The following PIK3AP1 variants were observed in gnomAD, a reference collection of about 807,000 sequenced individuals.
PIK3AP1 encodes the protein phosphoinositide-3-kinase adaptor protein 1.
Under a neutral mutation model 88.1 loss-of-function variants are expected in PIK3AP1, and 21 were observed. The ratio of observed to expected loss-of-function variants is 0.24; its 90% confidence interval spans 0.17 to 0.34. PIK3AP1 has a LOEUF of 0.34. Among genes scored for constraint, PIK3AP1 ranks in the 10% least tolerant of loss-of-function variants. PIK3AP1 has a pLI of 1.00. For synonymous variants in PIK3AP1, 398 were observed against 400.0 expected (o/e 1.00, Z 0.06); for missense variants, 828 against 1,035.7 (o/e 0.80, Z 2.75).
At chr10:96,642,800 C>T (rs1227072663) in intron 8 of PIK3AP1, among the ~76,000 whole-genome samples, 2 of 152,230 alleles carry the variant, frequency 1.3e-5, no homozygotes, top group Non-Finnish European at 2.9e-5. Flanking sequence ...GCATTCCCTG[C>T]AGGTTTCCAG....
intron 14 of PIK3AP1, among the ~76,000 whole-genome samples, chr10:96,607,723 A>G (rs1442094331): frequency 6.6e-6 from 1 of 152,138 alleles, no homozygotes; most frequent in African/African-American, 2.4e-5. Flanking sequence ...ACGTGTAGAG[A>G]GGCCCCGGAG....
At chr10:96,708,562 G>A (rs1164049189) in intron 2 of PIK3AP1, among the ~76,000 whole-genome samples, 7 of 119,362 alleles carry the variant, frequency 5.9e-5, no homozygotes, top group South Asian at 2.9e-4. Context: ...ACGTCAGAGC[G>A]AGGATCTGTC....
In PIK3AP1 at chr10:96,595,207, A is replaced by G. The variant is rs1848733844; in HGVS notation, c.*370T>C. 1 of 222,514 alleles carries G rather than the reference A, an allele frequency of 4.5e-6. No homozygotes were observed. The highest frequency in any genetic ancestry group is 8.9e-6 in the Non-Finnish European group (1 of 111,830). 13.8% of individuals were successfully genotyped at this position (222,514 alleles called of 1,614,324 possible). Reference sequence around the variant, plus strand: ...TCTAGAAATCAGGCTGAACTAGCAAATACATAAAGACTAATATAAGTGCAT... The same window carrying G: ...TCTAGAAATCAGGCTGAACTAGCAAGTACATAAAGACTAATATAAGTGCAT... On this transcript the variant is annotated 3_prime_UTR_variant, in exon 17 of 17. Coordinates refer to ENST00000339364, the MANE Select transcript of PIK3AP1 (RefSeq NM_152309.3).
chr10:96,633,064 T>C, intron 8 of PIK3AP1: 2 of 1,588,336 alleles, frequency 1.3e-6, no homozygotes, highest in Non-Finnish European at 1.7e-6. Flanking sequence ...CCTCATGTCC[T>C]ACAAGAGCAA....
chr10:96,602,125 C>T (rs549978035), intron 16 of PIK3AP1, among the ~76,000 whole-genome samples, 155 bp downstream of exon 16: 14 of 152,278 alleles, frequency 9.2e-5, no homozygotes, highest in South Asian at 8.3e-4. Flanking sequence ...CCCTGTGATC[C>T]GCCCGCCTTG....
chr10:96,631,738 C>T (rs1843247448), intron 8 of PIK3AP1, among the ~76,000 whole-genome samples: 1 of 152,022 alleles, frequency 6.6e-6, no homozygotes. Flanking sequence ...CAAAAATTAG[C>T]TGGGCATGGT....
chr10:96,704,079 C>T (rs1415103183), intron 2 of PIK3AP1, among the ~76,000 whole-genome samples: 1 of 152,154 alleles, frequency 6.6e-6, no homozygotes, highest in Non-Finnish European at 1.5e-5. Context: ...CTCAGTAGCA[C>T]CCCATCCCAA....
chr10:96,671,197 T>C (rs1843841263), intron 2 of PIK3AP1, among the ~76,000 whole-genome samples: 1 of 152,234 alleles, frequency 6.6e-6, no homozygotes, highest in Non-Finnish European at 1.5e-5. Context: ...TCCCAGTGTG[T>C]GGACCCCAGT....
intron 1 of PIK3AP1, among the ~76,000 whole-genome samples, chr10:96,710,213 ATTATTTATTTAT>A (rs10636821): frequency 1.3e-5 from 2 of 149,950 alleles, no homozygotes; most frequent in African/African-American, 2.5e-5. Flanking sequence ...ACGCTGTTTT[ATTATTTATTTAT>A]TTATTTATTT....
At chr10:96,671,440 A>G (rs1289030828) in intron 2 of PIK3AP1, among the ~76,000 whole-genome samples, 1 of 152,116 alleles carries the variant, frequency 6.6e-6, no homozygotes. Flanking sequence ...CCTTTCACTT[A>G]CAAAGCTCCC....
intron 2 of PIK3AP1, among the ~76,000 whole-genome samples, 166 bp from the exon 3 acceptor site, chr10:96,657,100 G>GA (rs1452336937): frequency 6.6e-6 from 1 of 152,112 alleles, no homozygotes; most frequent in East Asian, 1.9e-4. Context: ...GCGACCTAAT[G>GA]AAGACAAGCC....
chr10:96,620,909 G>A, intron 11 of PIK3AP1: 1 of 226,004 alleles, frequency 4.4e-6, no homozygotes. Flanking sequence ...TGCGTCTTCT[G>A]CTTAGAGACT....
intron 2 of PIK3AP1, among the ~76,000 whole-genome samples, chr10:96,705,718 G>C (rs1844352424): frequency 2.0e-5 from 3 of 151,080 alleles, no homozygotes; most frequent in Non-Finnish European, 1.5e-5. Flanking sequence ...AAGTAGCTAG[G>C]ACAACAGGTA....
intron 2 of PIK3AP1, among the ~76,000 whole-genome samples, chr10:96,696,549 C>A (rs115583608): frequency 6.6e-6 from 1 of 152,150 alleles, no homozygotes; most frequent in Admixed American, 6.6e-5. Flanking sequence ...TGAAAAGCTG[C>A]GAAAACATCC....
At chr10:96,692,858 T>C (rs1844172733) in intron 2 of PIK3AP1, among the ~76,000 whole-genome samples, 1 of 152,212 alleles carries the variant, frequency 6.6e-6, no homozygotes, top group Non-Finnish European at 1.5e-5. Flanking sequence ...AAAGTCCCAA[T>C]CAAGAATTTA....
chr10:96,652,733 A>G lies in PIK3AP1; in HGVS notation c.677T>C (p.Val226Ala). The G allele has an allele frequency of 6.2e-7, 1 of 1,614,150 alleles. No homozygotes were observed. Among genetic ancestry groups the G allele is most frequent in the Non-Finnish European group, 8.5e-7 (1 of 1,180,026 alleles). ...DSPSVRMEAK[V>A]ENEYTISVKA... ...CACTGAAATGGTGTACTCATTCTCC[A>G]CCTTGGCTTCCATCCTTACAGAGGG... Residue 226 changes from valine (V) to alanine (A), a missense_variant, in exon 4 of 17, where the codon GTG (valine) becomes GCG (alanine). Around this residue, in one of 3 missense-constraint regions of PIK3AP1, gnomAD observed 610 missense variants for 760.1 expected, o/e 0.80. Coordinates refer to ENST00000339364, the MANE Select transcript of PIK3AP1 (RefSeq NM_152309.3).
chr10:96,661,842 AAAAGGGAAAG>A (rs1843692841), intron 2 of PIK3AP1, among the ~76,000 whole-genome samples: 1 of 129,746 alleles, frequency 7.7e-6, no homozygotes, highest in South Asian at 2.3e-4. Context: ...AAGGAAAGGG[AAAAGGGAAAG>A]GGAAAGGAAA....
intron 2 of PIK3AP1, among the ~76,000 whole-genome samples, chr10:96,701,831 C>A (rs1235944601): frequency 6.6e-6 from 1 of 152,002 alleles, no homozygotes; most frequent in Non-Finnish European, 1.5e-5. Flanking sequence ...ACATTTATTG[C>A]AATATTATTT....
chr10:96,620,411 G>C lies in PIK3AP1; in HGVS notation c.1882C>G (p.His628Asp). Residue 628 changes from histidine to aspartate, a missense_variant, in exon 12 of 17, where the codon CAC (histidine) becomes GAC (aspartate). Coordinates refer to ENST00000339364, the MANE Select transcript of PIK3AP1 (RefSeq NM_152309.3). Reference protein sequence around the residue: ...GIVNVDEAVLHFKEWQLNQKK... With the variant: ...GIVNVDEAVLDFKEWQLNQKK... ...TGGTTGAGCTGCCACTCTTTGAAGT[G>C]GAGCACAGCCTCATCCACGTTGACA... 1 of 1,614,216 alleles carries C rather than the reference G, an allele frequency of 6.2e-7. No individual in the cohort carries two copies. Among genetic ancestry groups the C allele is most frequent in the Non-Finnish European group, 8.5e-7 (1 of 1,180,038 alleles).
Sources: allele counts gnomAD v4.1 joint callset (sites outside exome capture counted in the v4.1 genomes callset), GRCh38; gene constraint gnomAD v4.1.1; regional missense constraint gnomAD v4.1.1; transcripts MANE v1.5; gene names NCBI Gene and HGNC (gene_info 2026-07-23, HGNC 2026-07-21).